The following TBC1D32 variants were observed in gnomAD, a reference collection of about 807,000 sequenced individuals.
The protein encoded by TBC1D32 is TBC1 domain family member 32.
TBC1D32 carries 151 observed loss-of-function variants against 170.3 expected under a neutral mutation model. The ratio of observed to expected loss-of-function variants is 0.89; its 90% CI spans 0.78 to 1.01. The LOEUF (loss-of-function observed/expected upper bound fraction) is 1.01. TBC1D32 is among the 50% of genes least tolerant of loss of function. The pLI is 0.00. For synonymous variants in TBC1D32, 498 were observed against 488.0 expected (o/e 1.02, Z -0.27); for missense variants, 1,464 against 1,457.1 (o/e 1.00, Z -0.08).
At chr6:121,183,542 C>T (rs1386798330) in intron 22 of TBC1D32, among the ~76,000 whole-genome samples, 1 of 152,058 alleles carries the variant, frequency 6.6e-6, no homozygotes, top group Admixed American at 6.6e-5. Flanking sequence ...TTTCTCACTT[C>T]ACCTCAGGTG....
chr6:121,141,523 C>T (rs1158622222), intron 24 of TBC1D32, among the ~76,000 whole-genome samples: 1 of 151,984 alleles, frequency 6.6e-6, no homozygotes, highest in Non-Finnish European at 1.5e-5. Context: ...AGGAAGATAC[C>T]AAATGGCCAA....
chr6:121,256,028 C>T, intron 16 of TBC1D32, 56 bp downstream of exon 16: 11 of 1,439,488 alleles, frequency 7.6e-6, no homozygotes, highest in Non-Finnish European at 1.1e-5. Flanking sequence ...TATAATGGTG[C>T]TTATATTTGA....
At chr6:121,209,988 C>G (rs759729908) in intron 21 of TBC1D32, among the ~76,000 whole-genome samples, 1 of 152,158 alleles carries the variant, frequency 6.6e-6, no homozygotes, top group African/African-American at 2.4e-5. Flanking sequence ...TATCGTAGAG[C>G]TGGATGGTAA....
intron 3 of TBC1D32, among the ~76,000 whole-genome samples, chr6:121,313,379 G>A (rs1808519259): frequency 1.3e-5 from 2 of 150,706 alleles, no homozygotes; most frequent in South Asian, 2.1e-4. Flanking sequence ...CACCACCCGA[G>A]TTCAAGTGAT....
At chr6:121,113,404 C>T (rs1779388775) in intron 27 of TBC1D32, among the ~76,000 whole-genome samples, 1 of 152,112 alleles carries the variant, frequency 6.6e-6, no homozygotes, top group Non-Finnish European at 1.5e-5. Context: ...TGATGATATC[C>T]TGTAGATGAA....
intron 31 of TBC1D32, among the ~76,000 whole-genome samples, chr6:121,086,248 A>C (rs1407759492): frequency 6.6e-6 from 1 of 152,134 alleles, no homozygotes; most frequent in Non-Finnish European, 1.5e-5. Context: ...AGAAACAAGC[A>C]TAAAAGTCTA....
At chr6:121,097,790 A>G (rs1203483968) in intron 30 of TBC1D32, among the ~76,000 whole-genome samples, 1 of 152,156 alleles carries the variant, frequency 6.6e-6, no homozygotes, top group Non-Finnish European at 1.5e-5. Context: ...CTTGGAACCA[A>G]CCCAAATTTC....
intron 31 of TBC1D32, among the ~76,000 whole-genome samples, chr6:121,088,965 T>A (rs1178824128): frequency 6.6e-6 from 1 of 152,200 alleles, no homozygotes; most frequent in Non-Finnish European, 1.5e-5. Flanking sequence ...CAAACTCTAT[T>A]ATAATTTTTC....
At chr6:121,294,941 T>C (rs1041157100) in intron 10 of TBC1D32, among the ~76,000 whole-genome samples, 2 of 152,094 alleles carry the variant, frequency 1.3e-5, no homozygotes, top group Non-Finnish European at 2.9e-5. Flanking sequence ...TATTTTATAG[T>C]GAAAAACGCA....
chr6:121,193,060 T>C (rs1562848987), intron 22 of TBC1D32, among the ~76,000 whole-genome samples: 1 of 151,854 alleles, frequency 6.6e-6, no homozygotes, highest in South Asian at 2.1e-4. Context: ...ACTGCTTGAG[T>C]TCTCCAATCT....
chr6:121,104,574 G>A (rs1367172696), intron 30 of TBC1D32, among the ~76,000 whole-genome samples: 3 of 151,676 alleles, frequency 2.0e-5, no homozygotes, highest in African/African-American at 7.2e-5. Context: ...CAAAGATGGA[G>A]AAGATAAGTA....
chr6:121,168,469 A>T (rs1303066765), intron 22 of TBC1D32, among the ~76,000 whole-genome samples: 1 of 79,220 alleles, frequency 1.3e-5, no homozygotes, highest in East Asian at 4.3e-4. Flanking sequence ...AGAACAAAAA[A>T]CCAAACACCA....
At chr6:121,289,796 C>G (rs1804526753) in intron 12 of TBC1D32, among the ~76,000 whole-genome samples, 1 of 73,916 alleles carries the variant, frequency 1.4e-5, no homozygotes, top group Non-Finnish European at 5.5e-5. Context: ...GGTACCAAAA[C>G]AGAGATATAG....
chr6:121,086,495 T>C (rs1450565909), intron 31 of TBC1D32, among the ~76,000 whole-genome samples: 2 of 152,148 alleles, frequency 1.3e-5, no homozygotes, highest in African/African-American at 4.8e-5. Flanking sequence ...TTTCTCACCC[T>C]GTCAACATTC....
At chr6:121,114,559 T>C (rs924211089) in intron 27 of TBC1D32, among the ~76,000 whole-genome samples, 1 of 152,172 alleles carries the variant, frequency 6.6e-6, no homozygotes, top group African/African-American at 2.4e-5. Context: ...CATCATGCTG[T>C]GAATTTATAA....
chr6:121,317,529 T>C lies in TBC1D32; in HGVS notation c.461A>G (p.Asp154Gly), dbSNP rs760110962. Residue 154 changes from aspartate to glycine, a missense_variant, in exon 3 of 32, where the codon GAC (aspartate) becomes GGC (glycine). Physicochemically the swap from Asp to Gly is moderately conservative, Grantham distance 94. Around this residue, in one of 3 missense-constraint regions of TBC1D32, gnomAD observed 1,363 missense variants for 1,338.1 expected, o/e 1.02. Transcript: ENST00000398212. The stretch of plus-strand genomic sequence containing the variant: ...TGATGAATCACTATCAGAGCAATTG[T>C]CTGTGCGGTAACTATGGCTTTTCTC... ...QKEKSHSYRT[D>G]NCSDSDSSLN... 6.2e-7 allele frequency: 1 copy of C among 1,611,664 alleles called. No homozygotes were observed. Among genetic ancestry groups the C allele is most frequent in the South Asian group, 1.1e-5 (1 of 90,666 alleles).
chr6:121,224,585 A>G (rs1234297081), intron 20 of TBC1D32: 1 of 152,160 alleles, frequency 6.6e-6, no homozygotes, highest in Admixed American at 6.6e-5. Context: ...GGTAGCAAAA[A>G]TAATCTGTAT....
At chr6:121,097,739 C>T (rs1237109638) in intron 30 of TBC1D32, among the ~76,000 whole-genome samples, 3 of 152,230 alleles carry the variant, frequency 2.0e-5, no homozygotes, top group African/African-American at 7.2e-5. Context: ...AAGACACATG[C>T]ACACGTATGT....
At chr6:121,208,822 C>G (rs1020279728) in intron 21 of TBC1D32, among the ~76,000 whole-genome samples, 1 of 148,302 alleles carries the variant, frequency 6.7e-6, no homozygotes, top group African/African-American at 2.4e-5. Context: ...TGTTTTCAAA[C>G]TTCTGGCCTT....
Sources: allele counts gnomAD v4.1 joint callset (sites outside exome capture counted in the v4.1 genomes callset), GRCh38; gene constraint gnomAD v4.1.1; regional missense constraint gnomAD v4.1.1; transcripts MANE v1.5; gene names NCBI Gene and HGNC (gene_info 2026-07-23, HGNC 2026-07-21).